Variants in MYRIP observed in about 807,000 individuals in gnomAD.
MYRIP encodes the protein myosin VIIA and Rab interacting protein.
Under a neutral mutation model 98.0 loss-of-function variants are expected in MYRIP, and 49 were observed. That is an observed-to-expected ratio of 0.50 (90% CI 0.40 to 0.63). MYRIP has a LOEUF of 0.63. Ranked by LOEUF, MYRIP falls within the 30% of genes least tolerant of loss-of-function variation. The pLI is 0.00. For synonymous variants in MYRIP, 404 were observed against 409.5 expected (o/e 0.99, Z 0.16); for missense variants, 1,004 against 1,058.2 (o/e 0.95, Z 0.71).
chr3:40,051,230 T>C (rs1947788391), intron 3 of MYRIP, among the ~76,000 whole-genome samples: 2 of 152,072 alleles, frequency 1.3e-5, no homozygotes, highest in South Asian at 2.1e-4. Flanking sequence ...GACTTCATAA[T>C]TGTCTTATTT....
intron 4 of MYRIP, among the ~76,000 whole-genome samples, chr3:40,154,801 T>G (rs1178062082): frequency 1.3e-5 from 2 of 152,158 alleles, no homozygotes; most frequent in Non-Finnish European, 2.9e-5. Flanking sequence ...GAACACAATA[T>G]GACATTTTTA....
rs879314446 is a variant in MYRIP, at chr3:40,240,034, G to T, written c.2101-4412G>T. ...TAGGTTTTCTTCTAGGGTTTTTATG[G>T]TTTTAGGTCTAACGTTTAAGTCTTT... On this transcript the variant is annotated intron_variant, in intron 12 of 16. Coordinates refer to ENST00000302541, the MANE Select transcript of MYRIP (RefSeq NM_015460.4). Among the ~76,000 whole-genome samples the T allele has an allele frequency of 3.2e-3, 422 of 130,090 alleles. 15 individuals carry two copies. The highest frequency in any genetic ancestry group is 0.029 in the Admixed American group (357 of 12,372). The allele number at this position is 130,090 out of a possible 152,430, so 85.3% of individuals were successfully genotyped here.
At chr3:39,842,160 C>G (rs571261674) in intron 1 of MYRIP, among the ~76,000 whole-genome samples, 1 of 152,266 alleles carries the variant, frequency 6.6e-6, no homozygotes, top group African/African-American at 2.4e-5. Context: ...CCTGCCTGGA[C>G]AGGAGGAATC....
At chr3:39,876,034 G>T (rs1942982779) in intron 1 of MYRIP, among the ~76,000 whole-genome samples, 1 of 152,086 alleles carries the variant, frequency 6.6e-6, no homozygotes, top group Non-Finnish European at 1.5e-5. Flanking sequence ...CCTGTATTGG[G>T]TGCATATATA....
At chr3:40,036,302 CAAAAAAAA>C (rs71091786) in intron 2 of MYRIP, among the ~76,000 whole-genome samples, 1 of 64,288 alleles carries the variant, frequency 1.6e-5, no homozygotes, top group Non-Finnish European at 3.0e-5. Context: ...CAACTGATAC[CAAAAAAAA>C]AAAAAAAAAA....
At chr3:40,151,002 C>A in intron 3 of MYRIP, 46 bp from the exon 4 acceptor site, 1 of 1,485,854 alleles carries the variant, frequency 6.7e-7, no homozygotes, top group Non-Finnish European at 9.1e-7. Context: ...TGCAATTCAC[C>A]ATTTAATAAT....
chr3:40,084,605 AT>A (rs1948569427), intron 3 of MYRIP, among the ~76,000 whole-genome samples: 1 of 145,432 alleles, frequency 6.9e-6, no homozygotes, highest in Non-Finnish European at 1.5e-5. Context: ...TCTATGTATT[AT>A]CTATCGATAG....
Position 40,258,408 on chromosome 3 carries a change from G to A in MYRIP, c.*242G>A, listed in dbSNP as rs953798486. ...AGGGGAATCCAAGACAGAAAATGAA[G>A]ACACTGGCTTCCAACAGCAGCGCTC... On this transcript the variant is annotated 3_prime_UTR_variant, in exon 17 of 17. Coordinates refer to ENST00000302541, the MANE Select transcript of MYRIP (RefSeq NM_015460.4). The A allele has an allele frequency of 1.9e-5, 9 of 477,192 alleles. No individual in the cohort carries two copies. The Admixed American group carries it at 2.3e-4, about 12-fold the overall frequency. 29.6% of individuals were successfully genotyped at this position (477,192 alleles called of 1,614,324 possible).
At chr3:39,941,589 GT>G (rs1290926789) in intron 2 of MYRIP, among the ~76,000 whole-genome samples, 1 of 151,322 alleles carries the variant, frequency 6.6e-6, no homozygotes, top group Non-Finnish European at 1.5e-5. Context: ...ATTCTATACA[GT>G]TTTTCCTCAC....
intron 3 of MYRIP, among the ~76,000 whole-genome samples, chr3:40,136,504 G>A (rs1949774300): frequency 2.0e-5 from 3 of 152,136 alleles, no homozygotes; most frequent in African/African-American, 4.8e-5. Flanking sequence ...GGATATCCAC[G>A]ACTTGAACTC....
intron 16 of MYRIP, among the ~76,000 whole-genome samples, chr3:40,254,927 A>G (rs1953525497): frequency 1.3e-5 from 2 of 152,134 alleles, no homozygotes; most frequent in South Asian, 4.2e-4. Context: ...TTTATCCTTC[A>G]CCCATTCCTC....
chr3:39,827,388 T>C (rs1337102929), intron 1 of MYRIP, among the ~76,000 whole-genome samples: 1 of 152,212 alleles, frequency 6.6e-6, no homozygotes, highest in African/African-American at 2.4e-5. Flanking sequence ...ACTCAGTTTA[T>C]AGGCGTGAGC....
At chr3:39,885,746 T>C (rs1943279321) in intron 1 of MYRIP, among the ~76,000 whole-genome samples, 2 of 152,244 alleles carry the variant, frequency 1.3e-5, no homozygotes, top group African/African-American at 2.4e-5. Flanking sequence ...TTTGATTCAT[T>C]TGATCTTCCA....
intron 2 of MYRIP, among the ~76,000 whole-genome samples, chr3:40,036,369 A>G (rs1254346521): frequency 1.3e-5 from 2 of 150,550 alleles, no homozygotes; most frequent in African/African-American, 4.9e-5. Context: ...GCAGCCTTCT[A>G]AACTGTCATT....
chr3:40,234,880 G>A (rs1952783443), intron 12 of MYRIP, among the ~76,000 whole-genome samples: 2 of 151,814 alleles, frequency 1.3e-5, no homozygotes, highest in African/African-American at 4.8e-5. Flanking sequence ...TGTAATCCCA[G>A]CTACTTGGGA....
chr3:39,922,663 A>T (rs1043177360), intron 2 of MYRIP, among the ~76,000 whole-genome samples: 1 of 152,208 alleles, frequency 6.6e-6, no homozygotes, highest in Admixed American at 6.5e-5. Context: ...CAGAGGTCAA[A>T]TGAGGACCCT....
chr3:40,012,789 G>C (rs981409769), intron 2 of MYRIP, among the ~76,000 whole-genome samples: 1 of 152,112 alleles, frequency 6.6e-6, no homozygotes, highest in African/African-American at 2.4e-5. Flanking sequence ...TGGTTCTCAG[G>C]CCTTAGGACT....
At chr3:39,848,377 A>G (rs979479890) in intron 1 of MYRIP, among the ~76,000 whole-genome samples, 6 of 152,236 alleles carry the variant, frequency 3.9e-5, no homozygotes, top group African/African-American at 1.4e-4. Flanking sequence ...CATTTATCAA[A>G]ATACAGAGTT....
intron 1 of MYRIP, among the ~76,000 whole-genome samples, chr3:39,819,192 C>CA (rs1218992877): frequency 1.3e-5 from 2 of 152,140 alleles, no homozygotes; most frequent in African/African-American, 2.4e-5. Flanking sequence ...CTACTAAATA[C>CA]AAAAAATTAG....
Sources: gnomAD v4.1 joint callset for allele counts (sites outside exome capture counted in the v4.1 genomes callset) on GRCh38, gnomAD v4.1.1 for gene constraint, MANE v1.5 for transcripts, NCBI Gene and HGNC (gene_info 2026-07-23, HGNC 2026-07-21) for gene names.